Variants in TRMT44 observed in about 807,000 individuals in gnomAD.
The protein encoded by TRMT44 is tRNA methyltransferase 44 homolog.
TRMT44 carries 78 observed loss-of-function variants against 77.3 expected under a neutral mutation model. That is an observed-to-expected ratio of 1.01 (90% CI 0.84 to 1.22). The LOEUF (loss-of-function observed/expected upper bound fraction) is 1.22, where lower values mean the gene tolerates loss of function less well. TRMT44 is among the 50% of genes most tolerant of loss of function. The pLI is 0.00. For synonymous variants in TRMT44, 391 were observed against 383.3 expected, an observed-to-expected ratio of 1.02 and a Z score of -0.23; for missense variants, 1,090 against 964.4, an observed-to-expected ratio of 1.13 and a Z score of -1.73.
chr4:8,468,776 G>C (rs1324595541), intron 9 of TRMT44, among the ~76,000 whole-genome samples: 1 of 152,212 alleles, frequency 6.6e-6, no homozygotes, highest in Non-Finnish European at 1.5e-5. Context: ...AATCATCCAT[G>C]GCAAAAGGAG....
chr4:8,467,867 A>G (rs777219158), intron 8 of TRMT44, 47 bp from the exon 9 acceptor site: 3 of 1,527,548 alleles, frequency 2.0e-6, no homozygotes, highest in South Asian at 1.3e-5. Context: ...AGAACGTTGA[A>G]ATAGACTAGC....
At chr4:8,480,752 A>G (rs1225861378), downstream of TRMT44, among the ~76,000 whole-genome samples, 1 of 152,156 alleles carries the variant, frequency 6.6e-6, no homozygotes, top group African/African-American at 2.4e-5. Flanking sequence ...ATTCCTATCT[A>G]AGGGGTCTGG....
At chr4:8,500,098 C>T in the TRMT44 span, among the ~76,000 whole-genome samples, 1 of 152,056 alleles carries the variant, frequency 6.6e-6, no homozygotes, top group East Asian at 1.9e-4. Context: ...GGAGTGGTGG[C>T]ATGTGCCTGT....
chr4:8,457,741 CT>C (rs1367535489), intron 6 of TRMT44, among the ~76,000 whole-genome samples: 1 of 152,184 alleles, frequency 6.6e-6, no homozygotes, highest in African/African-American at 2.4e-5. Flanking sequence ...GTTGGCCTGA[CT>C]TCACAGGATT....
At chr4:8,491,131 C>A (rs1208477985) in intron 2 of TRMT44, among the ~76,000 whole-genome samples, 3 of 151,710 alleles carry the variant, frequency 2.0e-5, no homozygotes, top group Non-Finnish European at 4.4e-5. Flanking sequence ...ACCAGAGCAG[C>A]TAGATACAGA....
chr4:8,508,635 G>A, the TRMT44 span, among the ~76,000 whole-genome samples: 8 of 152,244 alleles, frequency 5.3e-5, no homozygotes, highest in Non-Finnish European at 1.0e-4. Context: ...CTGTGGCCAT[G>A]GGGTTGCGGC....
chr4:8,476,252 T>C lies in TRMT44; in HGVS notation c.*251T>C. On this transcript the variant is annotated 3_prime_UTR_variant, in exon 11 of 11. Transcript: ENST00000389737. ...AGCCGCTTGAAACGTGCGCAGCATCTTCATATCATAAAGATTGTGCACGGA... is the reference window on the plus strand; with the variant it reads ...AGCCGCTTGAAACGTGCGCAGCATCCTCATATCATAAAGATTGTGCACGGA... 1 of 557,884 alleles carries C rather than the reference T, an allele frequency of 1.8e-6. No individual in the cohort carries two copies. The allele number at this position is 557,884 out of a possible 1,614,324, so 34.6% of individuals were successfully genotyped here.
At chr4:8,516,186 T>G in the TRMT44 span, among the ~76,000 whole-genome samples, 3 of 152,186 alleles carry the variant, frequency 2.0e-5, no homozygotes, top group East Asian at 5.8e-4. Context: ...ACCCACCACC[T>G]TGTGCCCATC....
chr4:8,491,150 T>C (rs905720117), intron 2 of TRMT44, among the ~76,000 whole-genome samples: 4 of 151,722 alleles, frequency 2.6e-5, no homozygotes, highest in Admixed American at 2.6e-4. Context: ...GAGTGTCCGA[T>C]TGGTGTATTT....
At position 8,441,082 on chromosome 4, in the gene TRMT44, C is replaced by A; in HGVS notation, c.260C>A (p.Ser87Ter). The change falls in exon 1 of 11, where the codon TCG (serine) becomes TAG (stop). Residue 87 changes from serine to a stop codon, truncating the protein, a stop_gained. Transcript: ENST00000389737. LOFTEE classifies it high-confidence loss of function. Reference sequence around the variant, plus strand: ...CCCGGAGGGGGCCCGGGTCCCAGGTCGCTATCAGGACCCGAGCAGGGCACG... The same window carrying A: ...CCCGGAGGGGGCCCGGGTCCCAGGTAGCTATCAGGACCCGAGCAGGGCACG... ...GSPGGGPGPRSLSGPEQGTAC... is the reference protein window; with the variant it reads ...GSPGGGPGPR 1.3e-6 allele frequency: 2 copies of A among 1,493,408 alleles called. No homozygotes were observed. The highest frequency in any genetic ancestry group is 1.3e-5 in the South Asian group (1 of 77,474). The allele number at this position is 1,493,408 out of a possible 1,614,324, so 92.5% of individuals were successfully genotyped here.
chr4:8,471,222 C>T (rs911191161), intron 10 of TRMT44, 22 bp downstream of exon 10: 12 of 1,464,910 alleles, frequency 8.2e-6, no homozygotes, highest in Non-Finnish European at 9.3e-6. Flanking sequence ...GCCTCTCCCC[C>T]GCCGTTCTTT....
At chr4:8,465,990 G>T (rs1047662336) in intron 8 of TRMT44, among the ~76,000 whole-genome samples, 4 of 152,240 alleles carry the variant, frequency 2.6e-5, no homozygotes, top group Non-Finnish European at 4.4e-5. Context: ...AGTTCATTCA[G>T]ATTCACCTGA....
At chr4:8,504,330 C>A in the TRMT44 span, among the ~76,000 whole-genome samples, 1 of 152,182 alleles carries the variant, frequency 6.6e-6, no homozygotes, top group African/African-American at 2.4e-5. This position sits in a 1 kb window ranked among gnomAD's most constrained non-coding sequence, Gnocchi z 5.3. Flanking sequence ...CTGCCCGTGC[C>A]TGCTCCCTTC....
At position 8,451,993 on chromosome 4, in the gene TRMT44, G is replaced by T. The variant is rs1027326258; in HGVS notation, c.988G>T (p.Val330Leu). ...TGAAGTCACTGATCCTGAGAAGTTC[G>T]TGTATGAAGATGTGGCTATCGCAGC... is the stretch of plus-strand genomic sequence containing the variant. ...WPEVTDPEKF[V>L]YEDVAIAAYL... The change falls in exon 4 of 11, where the codon GTG (valine) becomes TTG (leucine). Residue 330 changes from valine (V) to leucine (L), a missense_variant. Physicochemically the swap from Val to Leu is conservative, Grantham distance 32. Transcript: ENST00000389737. The surrounding 1 kb of genome is among the most constrained non-coding windows in gnomAD (Gnocchi z 4.1). The T allele has an allele frequency of 1.3e-6, 2 of 1,536,776 alleles. No homozygotes were observed. The highest frequency in any genetic ancestry group is 1.7e-4 in the Middle Eastern group (1 of 5,996).
At chr4:8,466,825 G>C (rs1364901687) in intron 8 of TRMT44, among the ~76,000 whole-genome samples, 2 of 152,226 alleles carry the variant, frequency 1.3e-5, no homozygotes, top group Non-Finnish European at 2.9e-5. Flanking sequence ...ATGTGAACGT[G>C]CTTTGTCATT....
In TRMT44 at chr4:8,465,445, C is replaced by T. The variant is rs370035059; in HGVS notation, c.1378C>T (p.Arg460Trp). Residue 460 changes from arginine (R) to tryptophan (W), a missense_variant, in exon 8 of 11, where the codon CGG becomes TGG. Physicochemically the swap from Arg to Trp is moderately radical, Grantham distance 101 (BLOSUM62 -3). Coordinates refer to ENST00000389737, the MANE Select transcript of TRMT44 (RefSeq NM_152544.3). ...CTTTGACTTCATTGGAAGATACTCC[C>T]GGAGGCAGAGTAAGAAGACTCAGTA... is the stretch of plus-strand genomic sequence containing the variant. ...CFFDFIGRYSRRQSKKTQYRE... is the reference protein window; with the variant it reads ...CFFDFIGRYSWRQSKKTQYRE... The T allele has an allele frequency of 8.7e-6, 14 of 1,614,130 alleles. No homozygotes were observed. Among genetic ancestry groups the T allele is most frequent in the East Asian group, 4.5e-5 (2 of 44,882 alleles).
In TRMT44 at chr4:8,446,555, G is replaced by T; in HGVS notation, c.699G>T (p.Val233=). 6.5e-7 allele frequency: 1 copy of T among 1,536,270 alleles called. No individual in the cohort carries two copies. The highest frequency in any genetic ancestry group is 1.4e-5 in the African/African-American group (1 of 73,164). The change falls in exon 2 of 11, where the codon GTG becomes GTT. Residue 233 remains valine (V), a synonymous_variant. Transcript: ENST00000389737. The surrounding 1 kb of genome is among the most constrained non-coding windows in gnomAD (Gnocchi z 4.3). ...ACCTAAAGGTTAAGATGAGCAATGT[G>T]TATCAAATTCAGCTCAGTCATAGCA... is the stretch of plus-strand genomic sequence containing the variant. The part of the protein sequence containing the change: ...EGNLKVKMSN[V]YQIQLSHSKE...
At chr4:8,500,903 C>T in the TRMT44 span, among the ~76,000 whole-genome samples, 2 of 152,224 alleles carry the variant, frequency 1.3e-5, no homozygotes, top group African/African-American at 4.8e-5. Context: ...CTGAAGGGAT[C>T]TGCCCTCCTT....
At chr4:8,502,427 T>A in the TRMT44 span, among the ~76,000 whole-genome samples, 1 of 152,236 alleles carries the variant, frequency 6.6e-6, no homozygotes, top group Non-Finnish European at 1.5e-5. Flanking sequence ...CAAGGACACA[T>A]ATTTAGCTCA....
Sources: gnomAD v4.1 joint callset for allele counts (sites outside exome capture counted in the v4.1 genomes callset) on GRCh38, gnomAD v4.1.1 for gene constraint, Gnocchi (gnomAD v3.1) non-coding constraint, MANE v1.5 for transcripts, NCBI Gene and HGNC (gene_info 2026-07-23, HGNC 2026-07-21) for gene names.